HADHA: variants seen among roughly 807,000 people sequenced by gnomAD.
HADHA encodes hydroxyacyl-CoA dehydrogenase trifunctional multienzyme complex subunit alpha.
In HADHA, 59 loss-of-function variants were observed where a neutral mutation model predicts 91.3. That is an observed-to-expected ratio of 0.65 (90% CI 0.52 to 0.80). HADHA has a LOEUF of 0.80. HADHA is among the 30% of genes least tolerant of loss of function. HADHA has a pLI of 0.00. For missense variants in HADHA, 800 were observed against 927.6 expected (o/e 0.86, Z 1.79); for synonymous variants, 320 against 338.9 (o/e 0.94, Z 0.61).
intron 5 of HADHA, among the ~76,000 whole-genome samples, chr2:26,233,221 C>T (rs958148563): frequency 6.6e-6 from 1 of 152,116 alleles, no homozygotes; most frequent in Non-Finnish European, 1.5e-5. Flanking sequence ...AACTGGGGAC[C>T]CCTGTCCTAA....
At chr2:26,206,793 AAAGG>A (rs544858634) in intron 11 of HADHA, among the ~76,000 whole-genome samples, 36 of 152,214 alleles carry the variant, frequency 2.4e-4, no homozygotes, top group Non-Finnish European at 4.0e-4. Flanking sequence ...CAGGGGATTA[AAAGG>A]AAGGAGTTAC....
intron 12 of HADHA, 37 bp from the exon 13 acceptor site, chr2:26,201,357 A>C: frequency 7.0e-7 from 1 of 1,432,432 alleles, no homozygotes; most frequent in East Asian, 2.3e-5. Flanking sequence ...TGGGAAGAAA[A>C]GGAAACTAAC....
At position 26,236,898 on chromosome 2, in the gene HADHA, T is replaced by C; in HGVS notation, c.271A>G (p.Ile91Val). 1 of 1,612,212 alleles carries C rather than the reference T, an allele frequency of 6.2e-7. No homozygotes were observed. The highest frequency in any genetic ancestry group is 1.1e-5 in the South Asian group (1 of 91,026). Residue 91 changes from isoleucine (I) to valine (V), a missense_variant, in exon 4 of 20, where the codon ATC becomes GTC. Physicochemically the swap from Ile to Val is conservative, Grantham distance 29 (BLOSUM62 3). Transcript: ENST00000380649. ...ATAAAGCAGCCTGGCTTTGATGAGATAAGGACGGCACTTCTGATTTGATCA... is the reference window on the plus strand; with the variant it reads ...ATAAAGCAGCCTGGCTTTGATGAGACAAGGACGGCACTTCTGATTTGATCA... The part of the protein sequence containing the change: ...ASDQIRSAVL[I>V]SSKPGCFIAG...
chr2:26,222,702 A>C (rs1343005458), intron 7 of HADHA, among the ~76,000 whole-genome samples: 2 of 152,128 alleles, frequency 1.3e-5, no homozygotes, highest in Non-Finnish European at 2.9e-5. Context: ...ATCCCACACC[A>C]TTATGGTATC....
intron 7 of HADHA, among the ~76,000 whole-genome samples, chr2:26,220,223 CA>C (rs1670342506): frequency 6.6e-6 from 1 of 152,206 alleles, no homozygotes; most frequent in African/African-American, 2.4e-5. Flanking sequence ...GTGGGCCTAG[CA>C]GGTCCCTGAG....
chr2:26,192,698 G>A (rs1669544872), intron 17 of HADHA, among the ~76,000 whole-genome samples: 1 of 151,966 alleles, frequency 6.6e-6, no homozygotes, highest in Non-Finnish European at 1.5e-5. Flanking sequence ...TTATGCCACT[G>A]CACTCCAGCC....
intron 1 of HADHA, among the ~76,000 whole-genome samples, chr2:26,239,844 G>A (rs1670849321): frequency 6.6e-6 from 1 of 152,174 alleles, no homozygotes; most frequent in Non-Finnish European, 1.5e-5. Context: ...CAAAGGCAAA[G>A]GACTTGTGTT....
intron 5 of HADHA, among the ~76,000 whole-genome samples, chr2:26,233,542 GT>G (rs1228445265): frequency 6.6e-6 from 1 of 151,922 alleles, no homozygotes; most frequent in Non-Finnish European, 1.5e-5. Flanking sequence ...ATTATTTACC[GT>G]CTTTACTACT....
intron 12 of HADHA, among the ~76,000 whole-genome samples, chr2:26,203,156 C>G (rs1166701558): frequency 6.6e-6 from 1 of 152,174 alleles, no homozygotes. Flanking sequence ...TGTTATCTTA[C>G]AATAATCTGC....
chr2:26,236,382 G>C (rs376531999), intron 4 of HADHA, among the ~76,000 whole-genome samples: 13 of 42,708 alleles, frequency 3.0e-4, no homozygotes, highest in African/African-American at 1.1e-3. Context: ...TATATACTCT[G>C]TGTGTGTGTG....
rs530465201 is a variant in HADHA, at chr2:26,244,580, G to T, written c.17C>A (p.Ala6Glu). Residue 6 changes from alanine (A) to glutamate (E), a missense_variant, in exon 1 of 20, where the codon GCG becomes GAG. Ala to Glu is a moderately radical substitution (Grantham distance 107). Transcript: ENST00000380649. Reference sequence around the variant, plus strand: ...AGAAAAGCGGCTGAGGATGCCAATCGCCCGGCAGGCCACCATCTTGAGCTG... The same window carrying T: ...AGAAAAGCGGCTGAGGATGCCAATCTCCCGGCAGGCCACCATCTTGAGCTG... The part of the protein sequence containing the change: MVACR[A>E]IGILSRFSAF... 1.9e-6 allele frequency: 3 copies of T among 1,585,064 alleles called. No homozygotes were observed. Among genetic ancestry groups the T allele is most frequent in the Non-Finnish European group, 2.6e-6 (3 of 1,165,324 alleles).
At chr2:26,195,862 A>ATG (rs1288404369) in intron 14 of HADHA, among the ~76,000 whole-genome samples, 2 of 152,188 alleles carry the variant, frequency 1.3e-5, no homozygotes, top group Non-Finnish European at 2.9e-5. Flanking sequence ...GGTGGGGCCC[A>ATG]GATTTGTTTT....
At position 26,234,347 on chromosome 2, in the gene HADHA, G is replaced by A; in HGVS notation, c.323C>T (p.Ala108Val). ...TACTTCTTGAAGGGTCTTGCAAGCG[G>A]CTAACATGCTGCATTATCCATAAAA... ...FIAGADINML[A>V]ACKTLQEVTQ... Residue 108 changes from alanine (A) to valine (V), a missense_variant, in exon 5 of 20, where the codon GCC becomes GTC. Transcript: ENST00000380649. 1 of 1,612,524 alleles carries A rather than the reference G, an allele frequency of 6.2e-7. No homozygotes were observed. Among genetic ancestry groups the A allele is most frequent in the African/African-American group, 1.3e-5 (1 of 75,008 alleles).
chr2:26,243,385 T>C (rs1352404458), intron 1 of HADHA: 5 of 150,694 alleles, frequency 3.3e-5, no homozygotes, highest in Non-Finnish European at 5.9e-5. Context: ...ATATGAGTAG[T>C]AAGACAATGG....
Position 26,194,638 on chromosome 2 carries a change from C to G in HADHA, c.1621G>C (p.Asp541His), listed in dbSNP as rs1351437081. 6.2e-7 allele frequency: 1 copy of G among 1,605,138 alleles called. No homozygotes were observed. The highest frequency in any genetic ancestry group is 8.5e-7 in the Non-Finnish European group (1 of 1,172,418). ...CTGGTAGTATAGAAGCCAGGTCCAT[C>G]CTGCCAAGGAAGAGAACATGAGCTC... The part of the protein sequence containing the change: ...KQGKVIIVVK[D>H]GPGFYTTRCL... Residue 541 changes from aspartate (D) to histidine (H), a missense_variant and splice_region_variant, in exon 16 of 20, where the codon GAT becomes CAT. Transcript: ENST00000380649.
intron 7 of HADHA, among the ~76,000 whole-genome samples, chr2:26,216,762 C>T (rs147615121): frequency 2.0e-5 from 3 of 152,234 alleles, no homozygotes; most frequent in Admixed American, 6.5e-5. Context: ...GAATCTGTGA[C>T]GTGAAATGCT....
intron 7 of HADHA, among the ~76,000 whole-genome samples, chr2:26,224,610 T>A (rs1670446513): frequency 6.6e-6 from 1 of 152,220 alleles, no homozygotes; most frequent in African/African-American, 2.4e-5. Context: ...GGACTCTGCA[T>A]CCTCTTCTAG....
chr2:26,218,272 C>T (rs936457862), intron 7 of HADHA, among the ~76,000 whole-genome samples: 1 of 147,868 alleles, frequency 6.8e-6, no homozygotes, highest in South Asian at 2.2e-4. Context: ...TGCACTCCAG[C>T]CTGGGCAAAA....
In HADHA at chr2:26,214,351, T is replaced by C; in HGVS notation, c.918+92A>G. On this transcript the variant is annotated intron_variant, in intron 9 of 19. Transcript: ENST00000380649. This position sits in a 1 kb window ranked among gnomAD's most constrained non-coding sequence, Gnocchi z 4.1. ...ATAGCAGAATTAAGAAATTTAGTAC[T>C]CAACATACATGGTCCAGAATGGCAA... is the stretch of plus-strand genomic sequence containing the variant. 1.3e-6 allele frequency: 1 copy of C among 789,800 alleles called. No individual in the cohort carries two copies. The highest frequency in any genetic ancestry group is 2.3e-6 in the Non-Finnish European group (1 of 431,140). The allele number at this position is 789,800 out of a possible 1,614,324, so 48.9% of individuals were successfully genotyped here. A position where few individuals can be genotyped will look rare whatever the true frequency, so the allele number is the denominator to read the frequency against.
Sources: gnomAD v4.1 joint callset for allele counts (sites outside exome capture counted in the v4.1 genomes callset) on GRCh38, gnomAD v4.1.1 for gene constraint, Gnocchi (gnomAD v3.1) non-coding constraint, MANE v1.5 for transcripts, NCBI Gene and HGNC (gene_info 2026-07-23, HGNC 2026-07-21) for gene names.